Variants in METTL25B observed in about 807,000 individuals in gnomAD.
METTL25B encodes the protein methyltransferase like 25B.
A neutral mutation model predicts 48.4 loss-of-function variants in METTL25B; 38 were observed. That is an observed-to-expected ratio of 0.78 (90% CI 0.61 to 1.03). The LOEUF is 1.03. Among genes scored for constraint, METTL25B ranks in the 50% least tolerant of loss-of-function variants. The pLI is 0.00. For missense variants in METTL25B, 537 were observed against 603.7 expected, an observed-to-expected ratio of 0.89 and a Z score of 1.16; for synonymous variants, 230 against 254.5, an observed-to-expected ratio of 0.90 and a Z score of 0.92.
chr1:156,733,684 C>A, intron 5 of METTL25B, 164 bp downstream of exon 5: 1 of 747,260 alleles, frequency 1.3e-6, no homozygotes, highest in Non-Finnish European at 2.1e-6. Context: ...CAGTGCCTCC[C>A]TGTATCTCAA....
chr1:156,736,467 C>T (rs12036794), intron 7 of METTL25B, 165 bp from the exon 8 acceptor site: 159,693 of 716,706 alleles, frequency 0.22, 18,478 homozygotes, highest in South Asian at 0.31. Context: ...GACTGCCTCC[C>T]AAGTCAGTGC....
At chr1:156,731,868 G>A in intron 1 of METTL25B, 123 bp from the exon 2 acceptor site, 7 of 1,261,636 alleles carry the variant, frequency 5.5e-6, no homozygotes, top group Non-Finnish European at 7.9e-6. Context: ...CCAGTTACAG[G>A]CAGTGGCCCT....
At chr1:156,730,647 G>C (rs928915431) in intron 1 of METTL25B, among the ~76,000 whole-genome samples, 2 of 152,108 alleles carry the variant, frequency 1.3e-5, no homozygotes, top group Non-Finnish European at 2.9e-5. Context: ...CAGGAGAATT[G>C]CTAGAACCAG....
In METTL25B at chr1:156,729,031, G is replaced by T; in HGVS notation, c.-74G>T. ...CAGAGTTGAGCCCCGTCCGGGTCCT[G>T]GACCCGCGTAGTACTGACCCTGGAT... On this transcript the variant is annotated 5_prime_UTR_variant, in exon 1 of 8. Transcript: ENST00000368216. 2 of 814,404 alleles carry T rather than the reference G, an allele frequency of 2.5e-6. No individual in the cohort carries two copies. Among genetic ancestry groups the T allele is most frequent in the South Asian group, 1.6e-5 (1 of 60,612 alleles). The allele number at this position is 814,404 out of a possible 1,614,324, so 50.4% of individuals were successfully genotyped here.
At position 156,734,444 on chromosome 1, in the gene METTL25B, C is replaced by G. The variant is rs754255191; in HGVS notation, c.1072C>G (p.Arg358Gly). 1.9e-5 allele frequency: 30 copies of G among 1,603,914 alleles called. No individual in the cohort carries two copies. In the African/African-American group the frequency reaches 3.7e-4, roughly 20 times the overall value. ...CCGACGGGCCCGGCCCGAGCTCCGT[C>G]GGCCAGGCGTGCAGGGTATCCCCAG... ...VIRRARPELR[R>G]PGVQGIPRVH... Residue 358 changes from arginine (R) to glycine (G), a missense_variant, in exon 6 of 8, where the codon CGG becomes GGG. By Grantham distance (125) the Arg-to-Gly change is moderately radical (BLOSUM62 -2). Coordinates refer to ENST00000368216, the MANE Select transcript of METTL25B (RefSeq NM_015997.4).
intron 6 of METTL25B, among the ~76,000 whole-genome samples, chr1:156,735,065 G>A (rs918234146): frequency 2.6e-5 from 4 of 151,638 alleles, no homozygotes; most frequent in African/African-American, 4.8e-5. Context: ...GATACGGGCC[G>A]ATCACCTGAG....
chr1:156,735,755 GC>G lies in METTL25B; in HGVS notation c.1153del (p.Leu385Ter), dbSNP rs1295250792. On this transcript the variant is annotated frameshift_variant, in exon 7 of 8. Transcript: ENST00000368216. LOFTEE classifies it high-confidence loss of function. ...TGCAGCGGGGGCTACAGCGAGTGGG[GC>G]TAGATCCCCAGCTGCCACTGAATCT... ...YVQRGLQRVG[L>X]DPQLPLNLAA... is the part of the protein sequence containing the mutation. The G allele has an allele frequency of 5.0e-6, 8 of 1,611,504 alleles. No homozygotes were observed. The highest frequency in any genetic ancestry group is 5.9e-6 in the Non-Finnish European group (7 of 1,179,428).
At position 156,728,535 on chromosome 1, in the gene METTL25B, C is replaced by G. The variant is rs540835414; in HGVS notation, c.-570C>G. On this transcript the variant is annotated 5_prime_UTR_variant, in exon 1 of 8. Coordinates refer to ENST00000368216, the MANE Select transcript of METTL25B (RefSeq NM_015997.4). The stretch of plus-strand genomic sequence containing the variant: ...AGAACGCGCCAGAGGTCGGCGCGCG[C>G]ACACCCGCACCGCCCCGACCCCAGG... The G allele has an allele frequency of 6.1e-6, 6 of 985,514 alleles. No homozygotes were observed. The African/African-American group carries it at 1.0e-4, about 17-fold the overall frequency. The allele number at this position is 985,514 out of a possible 1,614,324, so 61.0% of individuals were successfully genotyped here.
chr1:156,732,598 A>G (rs1396903875), intron 3 of METTL25B, 125 bp downstream of exon 3: 2 of 823,532 alleles, frequency 2.4e-6, no homozygotes, highest in Non-Finnish European at 3.7e-6. Flanking sequence ...CCTTTACCTC[A>G]ACAGACATAA....
In METTL25B at chr1:156,735,979, C is replaced by T. The variant is rs548545364; in HGVS notation, c.1306+70C>T. 7.9e-5 allele frequency: 107 copies of T among 1,351,664 alleles called. 2 individuals are homozygous for T. In the South Asian group the frequency reaches 1.4e-3, roughly 18 times the overall value. The allele number at this position is 1,351,664 out of a possible 1,614,324, so 83.7% of individuals were successfully genotyped here. On this transcript the variant is annotated intron_variant, in intron 7 of 7. Coordinates refer to ENST00000368216, the MANE Select transcript of METTL25B (RefSeq NM_015997.4). ...GGTTCTGGGGCTCCTTCTCCAAGTC[C>T]CAGCCCCAACATCTTCTGGGCCTAG...
At chr1:156,732,720 G>A (rs1323143443) in intron 3 of METTL25B, among the ~76,000 whole-genome samples, 2 of 152,124 alleles carry the variant, frequency 1.3e-5, no homozygotes, top group African/African-American at 4.8e-5. Flanking sequence ...ATCTGCTCAT[G>A]GCTTCACGCA....
intron 7 of METTL25B, chr1:156,736,294 A>G: frequency 3.9e-6 from 1 of 259,072 alleles, no homozygotes; most frequent in Non-Finnish European, 7.4e-6. Context: ...CAGGAGGCGG[A>G]GGTTGCAGTG....
Position 156,735,726 on chromosome 1 carries a change from T to TA in METTL25B, c.1124dup (p.Tyr375Ter), listed in dbSNP as rs773043518. 30 of 1,604,882 alleles carry TA rather than the reference T, an allele frequency of 1.9e-5. No individual in the cohort carries two copies. The highest frequency in any genetic ancestry group is 2.3e-5 in the Non-Finnish European group (27 of 1,175,622). The change falls in exon 7 of 8, where the codon TAT becomes TAAT. Residue 375 changes from tyrosine (Y) to a stop codon, truncating the protein, a stop_gained and frameshift_variant and splice_region_variant. Transcript: ENST00000368216. LOFTEE classifies it high-confidence loss of function. ...PRVHELKIEE[Y>*]VQRGLQRVGL... Reference sequence around the variant, plus strand: ...TGCTGAATGTGACTGATCCCACAGATATGTGCAGCGGGGGCTACAGCGAGT... The same window carrying TA: ...TGCTGAATGTGACTGATCCCACAGATAATGTGCAGCGGGGGCTACAGCGAGT...
At chr1:156,732,213 G>A (rs1649354513) in intron 2 of METTL25B, 68 bp from the exon 3 acceptor site, 10 of 1,607,736 alleles carry the variant, frequency 6.2e-6, no homozygotes, top group South Asian at 2.2e-5. Flanking sequence ...CCTGGGCCTC[G>A]GGTTGTAAAC....
intron 1 of METTL25B, among the ~76,000 whole-genome samples, chr1:156,731,408 G>A (rs1251294899): frequency 6.6e-6 from 1 of 152,204 alleles, no homozygotes; most frequent in Non-Finnish European, 1.5e-5. Flanking sequence ...ACAGGCGTGA[G>A]CCACCATGCC....
Position 156,729,133 on chromosome 1 carries a change from C to G in METTL25B, c.29C>G (p.Ser10Cys), listed in dbSNP as rs962914867. The G allele has an allele frequency of 6.2e-7, 1 of 1,610,668 alleles. No homozygotes were observed. Among genetic ancestry groups the G allele is most frequent in the East Asian group, 2.2e-5 (1 of 44,612 alleles). The change falls in exon 1 of 8, where the codon TCT becomes TGT. Residue 10 changes from serine (S) to cysteine (C), a missense_variant. Ser to Cys is a moderately radical substitution (Grantham distance 112). Coordinates refer to ENST00000368216, the MANE Select transcript of METTL25B (RefSeq NM_015997.4). ...CCGGGCATCTCCGCCCGAGGCCTCT[C>G]TCATGAGGGGAGGAAGCAGCTAGCT... Reference protein sequence around the residue: MPGISARGLSHEGRKQLAVN... With the variant: MPGISARGLCHEGRKQLAVN...
At chr1:156,732,744 G>A (rs545606780) in intron 3 of METTL25B, among the ~76,000 whole-genome samples, 1 of 152,164 alleles carries the variant, frequency 6.6e-6, no homozygotes, top group Admixed American at 6.5e-5. Context: ...TTCTTGTTCT[G>A]TGGGGGAGAT....
intron 1 of METTL25B, among the ~76,000 whole-genome samples, chr1:156,731,141 TGA>T (rs1282640935): frequency 6.6e-5 from 10 of 152,216 alleles, no homozygotes; most frequent in Non-Finnish European, 8.8e-5. Flanking sequence ...TTGTTTTTTT[TGA>T]GAGGGAGTTT....
chr1:156,728,690 G>A lies in METTL25B; in HGVS notation c.-415G>A, dbSNP rs1378799238. ...CCCCGTGGTGGTACAACGCGAAGGT[G>A]TGGGAAGGCCGCGATAAACCGGAAC... On this transcript the variant is annotated 5_prime_UTR_variant, in exon 1 of 8. The change creates a new upstream start codon in the 5' untranslated region. Coordinates refer to ENST00000368216, the MANE Select transcript of METTL25B (RefSeq NM_015997.4). 4.0e-6 allele frequency: 4 copies of A among 991,052 alleles called. No individual in the cohort carries two copies. Among genetic ancestry groups the A allele is most frequent in the African/African-American group, 3.5e-5 (2 of 57,362 alleles). The allele number at this position is 991,052 out of a possible 1,614,324, so 61.4% of individuals were successfully genotyped here. A position where few individuals can be genotyped will look rare whatever the true frequency, so the allele number is the denominator to read the frequency against.
Sources: allele counts gnomAD v4.1 joint callset (sites outside exome capture counted in the v4.1 genomes callset), GRCh38; gene constraint gnomAD v4.1.1; transcripts MANE v1.5; gene names NCBI Gene and HGNC (gene_info 2026-07-23, HGNC 2026-07-21).